TTC39B: variants seen among roughly 807,000 people sequenced by gnomAD.
TTC39B encodes the protein tetratricopeptide repeat protein 39B.
A neutral mutation model predicts 96.6 loss-of-function variants in TTC39B; 92 were observed. The observed-to-expected ratio is 0.95, with a 90% CI of 0.80 to 1.13. The LOEUF (loss-of-function observed/expected upper bound fraction) is 1.13. Among genes scored for constraint, TTC39B ranks in the 50% most tolerant of loss-of-function variants. The pLI is 0.00. For missense variants in TTC39B, 955 were observed against 809.3 expected (o/e 1.18, Z -2.18); for synonymous variants, 367 against 299.4 (o/e 1.23, Z -2.33).
intron 2 of TTC39B, chr9:15,249,854 T>C: frequency 1.8e-6 from 2 of 1,123,246 alleles, no homozygotes; most frequent in Non-Finnish European, 1.1e-6. Context: ...TAAACCCTCA[T>C]AGATTTAAAG....
At chr9:15,235,768 G>A (rs897855488) in intron 2 of TTC39B, among the ~76,000 whole-genome samples, 1 of 152,108 alleles carries the variant, frequency 6.6e-6, no homozygotes, top group Non-Finnish European at 1.5e-5. Flanking sequence ...AAATACTAAG[G>A]GCATCTGTCA....
In TTC39B at chr9:15,239,325, C is replaced by T. The variant is rs151213797; in HGVS notation, c.276-13313G>A. Among the ~76,000 whole-genome samples, 426 of 152,280 alleles carry T rather than the reference C, an allele frequency of 2.8e-3. 4 individuals are homozygous for T. The highest frequency in any genetic ancestry group is 9.1e-3 in the African/African-American group (378 of 41,558). On this transcript the variant is annotated intron_variant, in intron 2 of 19. Coordinates refer to ENST00000512701, the Ensembl canonical transcript of TTC39B. ...CTTGTACACTGTTGGTGGGAACAAA[C>T]GTTGCTTCAACCTCTATGGAAAACA... is the stretch of plus-strand genomic sequence containing the variant.
chr9:15,260,706 G>T (rs1822913918), intron 2 of TTC39B, among the ~76,000 whole-genome samples: 1 of 152,140 alleles, frequency 6.6e-6, no homozygotes. Flanking sequence ...GAAGGAAAAA[G>T]TTTGTGAGAA....
intron 8 of TTC39B, among the ~76,000 whole-genome samples, chr9:15,193,911 T>C (rs937203115): frequency 1.3e-5 from 2 of 152,208 alleles, no homozygotes; most frequent in African/African-American, 4.8e-5. Flanking sequence ...TGAGGAACTA[T>C]TCCGAATGAA....
chr9:15,199,471 C>A (rs1197380463), intron 8 of TTC39B, among the ~76,000 whole-genome samples: 1 of 152,022 alleles, frequency 6.6e-6, no homozygotes, highest in African/African-American at 2.4e-5. Context: ...CGCGGTGGCT[C>A]ACGCGTGTAA....
exon 20 of TTC39B, chr9:15,167,025 TATA>T (rs1350761466): frequency 3.1e-3 from 44 of 14,400 alleles, no homozygotes; most frequent in Non-Finnish European, 4.3e-3. Flanking sequence ...TATATATATA[TATA>T]TTTTTTTTTT....
intron 1 of TTC39B, among the ~76,000 whole-genome samples, chr9:15,302,316 ACT>A (rs1473889586): frequency 1.5e-5 from 2 of 130,608 alleles, no homozygotes; most frequent in African/African-American, 5.9e-5. Flanking sequence ...ACCAAGCAAG[ACT>A]CTGTCTTTAA....
chr9:15,187,446 C>T (rs996857848), intron 14 of TTC39B, among the ~76,000 whole-genome samples: 10 of 152,064 alleles, frequency 6.6e-5, no homozygotes, highest in Non-Finnish European at 1.3e-4. Flanking sequence ...AGAGATAAAA[C>T]CTCATGTTTA....
intron 1 of TTC39B, among the ~76,000 whole-genome samples, chr9:15,270,842 T>C (rs979395515): frequency 6.6e-6 from 1 of 152,032 alleles, no homozygotes; most frequent in Non-Finnish European, 1.5e-5. Flanking sequence ...ATAAAGCATA[T>C]GTGGTCTATA....
intron 2 of TTC39B, among the ~76,000 whole-genome samples, chr9:15,242,365 T>C (rs576140993): frequency 6.6e-6 from 1 of 152,226 alleles, no homozygotes; most frequent in African/African-American, 2.4e-5. Flanking sequence ...GCGGATCACT[T>C]GAGTCCAGGA....
chr9:15,250,129 A>T, intron 2 of TTC39B: 1 of 1,238,114 alleles, frequency 8.1e-7, no homozygotes. Flanking sequence ...TTGCCGAGGC[A>T]GCTGACAGCA....
chr9:15,251,361 G>A (rs939549202), intron 2 of TTC39B, among the ~76,000 whole-genome samples: 7 of 151,630 alleles, frequency 4.6e-5, no homozygotes, highest in East Asian at 2.0e-4. Flanking sequence ...TTGGGAACTC[G>A]AGACCAGCCT....
At position 15,306,513 on chromosome 9, in the gene TTC39B, T is replaced by C. The variant is rs1321982616; in HGVS notation, c.240+571A>G. ...AGCACCACAGCCTGGGCTGCGGCTC[T>C]AGCCCTCCAGCCCCAGCCCCTGGCA... is the stretch of plus-strand genomic sequence containing the variant. On this transcript the variant is annotated intron_variant, in intron 1 of 19. Coordinates refer to ENST00000512701, the Ensembl canonical transcript of TTC39B. The surrounding 1 kb of genome is among the most constrained non-coding windows in gnomAD (Gnocchi z 5.1). 6.6e-6 allele frequency among the ~76,000 whole-genome samples: 1 copy of C among 152,186 alleles called. No homozygotes were observed. The highest frequency in any genetic ancestry group is 1.5e-5 in the Non-Finnish European group (1 of 68,018).
chr9:15,174,012 G>A (rs528751661), intron 19 of TTC39B, among the ~76,000 whole-genome samples: 50 of 152,042 alleles, frequency 3.3e-4, no homozygotes, highest in Non-Finnish European at 5.4e-4. Context: ...CTACCTAGTT[G>A]GTTGATTTCT....
At chr9:15,211,223 A>G (rs1820179675) in intron 5 of TTC39B, 43 bp downstream of exon 5, 6 of 1,406,968 alleles carry the variant, frequency 4.3e-6, no homozygotes, top group Non-Finnish European at 5.6e-6. Context: ...CACAGGCATA[A>G]AAGTTTGCAG....
chr9:15,170,489 C>A, exon 20 of TTC39B: 1 of 152,060 alleles, frequency 6.6e-6, no homozygotes, highest in African/African-American at 2.4e-5. Context: ...TTTGTATAGC[C>A]TTTTACAGTT....
chr9:15,273,155 G>GAT lies in TTC39B; in HGVS notation c.241-5209_241-5208dup, dbSNP rs763449098. 3.2e-4 allele frequency among the ~76,000 whole-genome samples: 49 copies of GAT among 152,294 alleles called. 1 individual carries two copies. The Middle Eastern group carries it at 0.01, about 32-fold the overall frequency. ...ATGTTCATTTAAGAATCTTAATGAA[G>GAT]ATATTAATGACAAAAGTGTTTACAT... On this transcript the variant is annotated intron_variant, in intron 1 of 19. Transcript: ENST00000512701.
intron 16 of TTC39B, among the ~76,000 whole-genome samples, chr9:15,184,849 G>C (rs931676288): frequency 6.6e-6 from 1 of 152,128 alleles, no homozygotes; most frequent in Non-Finnish European, 1.5e-5. Flanking sequence ...TGCATATACT[G>C]GGTTAAAATA....
intron 2 of TTC39B, among the ~76,000 whole-genome samples, chr9:15,256,501 A>G (rs1822756464): frequency 6.6e-6 from 1 of 152,228 alleles, no homozygotes; most frequent in South Asian, 2.1e-4. Flanking sequence ...CAAGTACACC[A>G]TGACAAGCAA....
Sources: gnomAD v4.1 joint callset for allele counts (sites outside exome capture counted in the v4.1 genomes callset) on GRCh38, gnomAD v4.1.1 for gene constraint, Gnocchi (gnomAD v3.1) non-coding constraint, MANE v1.5 for transcripts, NCBI Gene and HGNC (gene_info 2026-07-23, HGNC 2026-07-21) for gene names.